Variants in BCR observed in about 807,000 individuals in gnomAD.
BCR encodes the protein breakpoint cluster region protein.
BCR carries 58 observed loss-of-function variants against 138.6 expected under a neutral mutation model. The observed-to-expected ratio is 0.42, with a 90% CI of 0.34 to 0.52. BCR has a LOEUF of 0.52. BCR is among the 20% of genes least tolerant of loss of function. The pLI, the probability that BCR is intolerant of heterozygous loss-of-function variation, is 0.06. For synonymous variants in BCR, 786 were observed against 730.1 expected, an observed-to-expected ratio of 1.08 and a Z score of -1.23; for missense variants, 1,599 against 1,727.2, an observed-to-expected ratio of 0.93 and a Z score of 1.32.
chr22:23,217,815 C>G (rs1003453231), intron 1 of BCR, among the ~76,000 whole-genome samples: 11 of 152,202 alleles, frequency 7.2e-5, no homozygotes, highest in African/African-American at 2.7e-4. Context: ...CTCGTGAGAC[C>G]TGGAGGGAGG....
chr22:23,314,454 G>C (rs2074044585), intron 21 of BCR, 98 bp from the exon 22 acceptor site: 3 of 1,395,046 alleles, frequency 2.2e-6, no homozygotes, highest in Non-Finnish European at 3.0e-6. Flanking sequence ...CCAGGGTCGA[G>C]GTCACTCCCT....
In BCR at chr22:23,181,286, C is replaced by A; in HGVS notation, c.326C>A (p.Pro109His). ...PAPADGADPP[P>H]AEEPEARPDG... ...CCCGCCGACGGAGCCGACCCGCCGCCCGCCGAGGAGCCCGAGGCCCGGCCC... is the reference window on the plus strand; with the variant it reads ...CCCGCCGACGGAGCCGACCCGCCGCACGCCGAGGAGCCCGAGGCCCGGCCC... Residue 109 changes from proline to histidine, a missense_variant, in exon 1 of 23, where the codon CCC becomes CAC. By Grantham distance (77) the Pro-to-His change is moderately conservative (BLOSUM62 -2). Transcript: ENST00000305877. 7.7e-7 allele frequency: 1 copy of A among 1,305,124 alleles called. No individual in the cohort carries two copies. Among genetic ancestry groups the A allele is most frequent in the Non-Finnish European group, 9.8e-7 (1 of 1,021,550 alleles). 80.8% of individuals were successfully genotyped at this position (1,305,124 alleles called of 1,614,324 possible).
At chr22:23,303,931 C>CTTTTTTTTT (rs131683) in intron 16 of BCR, among the ~76,000 whole-genome samples, 2 of 106,166 alleles carry the variant, frequency 1.9e-5, no homozygotes, top group Non-Finnish European at 3.5e-5. Context: ...TCCTTGTTGC[C>CTTTTTTTTT]TTTTTTTTTT....
intron 12 of BCR, among the ~76,000 whole-genome samples, chr22:23,289,152 G>A (rs1226733061): frequency 6.6e-6 from 1 of 152,238 alleles, no homozygotes; most frequent in Non-Finnish European, 1.5e-5. Flanking sequence ...GGGGGCCTGT[G>A]TTAGCAGAGG....
chr22:23,263,152 G>A, intron 4 of BCR: 4 of 740,490 alleles, frequency 5.4e-6, no homozygotes, highest in Non-Finnish European at 8.6e-6. Flanking sequence ...GCGGCAGCCA[G>A]GGAGGAGGAG....
intron 14 of BCR, among the ~76,000 whole-genome samples, chr22:23,291,539 C>G (rs2073787180): frequency 6.6e-6 from 1 of 152,060 alleles, no homozygotes; most frequent in Non-Finnish European, 1.5e-5. Flanking sequence ...ATCCCTGCAT[C>G]TCCTCCCGGG....
Position 23,288,104 on chromosome 22 carries a change from C to T in BCR, c.2534C>T (p.Thr845Met), listed in dbSNP as rs777760231. ...RVHSRNGKSYTFLISSDYERA... is the reference protein window; with the variant it reads ...RVHSRNGKSYMFLISSDYERA... ...TCTTCTTGCCCACCCTAGAGTTACACGTTCCTGATCTCCTCTGACTATGAG... is the reference window on the plus strand; with the variant it reads ...TCTTCTTGCCCACCCTAGAGTTACATGTTCCTGATCTCCTCTGACTATGAG... Residue 845 changes from threonine (T) to methionine (M), a missense_variant, in exon 12 of 23, where the codon ACG becomes ATG. Transcript: ENST00000305877. 140 of 1,613,860 alleles carry T rather than the reference C, an allele frequency of 8.7e-5. 2 individuals are homozygous for T. Among genetic ancestry groups the T allele is most frequent in the South Asian group, 7.4e-4 (67 of 91,084 alleles).
Position 23,180,788 on chromosome 22 carries a change from C to A in BCR, c.-173C>A. 1 of 209,638 alleles carries A rather than the reference C, an allele frequency of 4.8e-6. No homozygotes were observed. Among genetic ancestry groups the A allele is most frequent in the Non-Finnish European group, 8.0e-6 (1 of 124,516 alleles). The allele number at this position is 209,638 out of a possible 1,614,324, so 13.0% of individuals were successfully genotyped here. ...CGCGCCCCGCCCCGCGCGCCGAGCG[C>A]CCCGCTCCGCCTCACCTGCCACCAG... On this transcript the variant is annotated 5_prime_UTR_variant, in exon 1 of 23. Coordinates refer to ENST00000305877, the MANE Select transcript of BCR (RefSeq NM_004327.4).
intron 13 of BCR, chr22:23,289,825 T>C (rs1002870981): frequency 1.7e-6 from 1 of 591,580 alleles, no homozygotes; most frequent in Non-Finnish European, 3.0e-6. Flanking sequence ...GAGTGGCTGC[T>C]GCTGGGTGGT....
At chr22:23,258,330 G>A (rs749111693) in intron 2 of BCR, among the ~76,000 whole-genome samples, 7 of 152,172 alleles carry the variant, frequency 4.6e-5, no homozygotes, top group Non-Finnish European at 1.0e-4. Context: ...GGACTCAAAT[G>A]GGGCACAGGG....
chr22:23,264,990 A>G (rs906977557), intron 4 of BCR: 1 of 152,204 alleles, frequency 6.6e-6, no homozygotes, highest in Non-Finnish European at 1.5e-5. Context: ...GTTCACAGAA[A>G]AAAAAAGAAA....
At chr22:23,271,808 A>G (rs1346979561) in intron 6 of BCR, among the ~76,000 whole-genome samples, 3 of 152,166 alleles carry the variant, frequency 2.0e-5, no homozygotes, top group Non-Finnish European at 4.4e-5. Context: ...CATTAGCAAC[A>G]AGGTGCTGCT....
chr22:23,268,978 G>A (rs1181593250), intron 5 of BCR, among the ~76,000 whole-genome samples: 1 of 152,244 alleles, frequency 6.6e-6, no homozygotes, highest in Non-Finnish European at 1.5e-5. Context: ...CATGGCACCT[G>A]TGCTCTGTGG....
chr22:23,224,878 TC>T (rs1044487309), intron 1 of BCR, among the ~76,000 whole-genome samples: 5 of 150,994 alleles, frequency 3.3e-5, no homozygotes, highest in South Asian at 2.1e-4. Flanking sequence ...CAAGACTCCA[TC>T]CCCCCCAAAA....
intron 1 of BCR, among the ~76,000 whole-genome samples, chr22:23,252,427 C>CTTTTTTTTTTT (rs371986661): frequency 9.2e-5 from 11 of 119,496 alleles, no homozygotes; most frequent in Non-Finnish European, 1.2e-4. Flanking sequence ...TTTTTCTTTT[C>CTTTTTTTTTTT]TTTTCTTTTT....
At chr22:23,309,046 A>C (rs2073979073) in intron 16 of BCR, among the ~76,000 whole-genome samples, 1 of 152,192 alleles carries the variant, frequency 6.6e-6, no homozygotes, top group Non-Finnish European at 1.5e-5. Context: ...TGTGGATGCC[A>C]GGCCCCCAGG....
Position 23,268,273 on chromosome 22 carries a change from C to G in BCR, c.1753-135C>G, listed in dbSNP as rs2146284168. 4 of 634,626 alleles carry G rather than the reference C, an allele frequency of 6.3e-6. No homozygotes were observed. The South Asian group carries it at 8.7e-5, about 14-fold the overall frequency. 39.3% of individuals were successfully genotyped at this position (634,626 alleles called of 1,614,324 possible). ...CAGGTGGGAGGGAGCAGCACGGAAG[C>G]GCCGAGGCCTCTGCAGCCTGTGTGC... On this transcript the variant is annotated intron_variant, in intron 4 of 22. Transcript: ENST00000305877.
intron 1 of BCR, among the ~76,000 whole-genome samples, chr22:23,222,954 A>G (rs1010542473): frequency 1.8e-4 from 27 of 152,214 alleles, no homozygotes; most frequent in Admixed American, 9.2e-4. Flanking sequence ...AGGCACCTAC[A>G]GATTACATGT....
chr22:23,186,470 G>A (rs1481783972), intron 1 of BCR, among the ~76,000 whole-genome samples: 1 of 152,074 alleles, frequency 6.6e-6, no homozygotes, highest in African/African-American at 2.4e-5. Flanking sequence ...TCACATTGTT[G>A]TACGACCATC....
Sources: gnomAD v4.1 joint callset for allele counts (sites outside exome capture counted in the v4.1 genomes callset) on GRCh38, gnomAD v4.1.1 for gene constraint, MANE v1.5 for transcripts, NCBI Gene and HGNC (gene_info 2026-07-23, HGNC 2026-07-21) for gene names.